The following NIPSNAP2 variants were observed in gnomAD, a reference collection of about 807,000 sequenced individuals.
NIPSNAP2 encodes nipsnap homolog 2.
Under a neutral mutation model 48.4 loss-of-function variants are expected in NIPSNAP2, and 42 were observed. The observed-to-expected ratio is 0.87, with a 90% CI of 0.68 to 1.12. NIPSNAP2 has a LOEUF of 1.12. NIPSNAP2 is among the 50% of genes most tolerant of loss of function. The pLI is 0.00. For synonymous variants in NIPSNAP2, 158 were observed against 126.6 expected (o/e 1.25, Z -1.67); for missense variants, 314 against 347.3 (o/e 0.90, Z 0.76).
At chr7:55,975,061 G>A (rs184226063) in intron 1 of NIPSNAP2, among the ~76,000 whole-genome samples, 7 of 151,506 alleles carry the variant, frequency 4.6e-5, no homozygotes, top group Admixed American at 3.3e-4. Context: ...GTCAGTTGGA[G>A]AGCAAAAGTA....
intron 7 of NIPSNAP2, among the ~76,000 whole-genome samples, chr7:55,986,275 G>T (rs1461525089): frequency 6.6e-6 from 1 of 152,084 alleles, no homozygotes; most frequent in East Asian, 1.9e-4. Flanking sequence ...GGCTGAGGTG[G>T]GAGGATCACC....
intron 5 of NIPSNAP2, 40 bp from the exon 6 acceptor site, chr7:55,983,688 G>A (rs1787266917): frequency 6.2e-7 from 1 of 1,605,402 alleles, no homozygotes; most frequent in African/African-American, 1.3e-5. Flanking sequence ...TTATATGTAA[G>A]TATCAGAAGA....
chr7:56,000,100 T>C lies in NIPSNAP2; in HGVS notation c.*1028T>C, dbSNP rs760029330. 2 of 152,650 alleles carry C rather than the reference T, an allele frequency of 1.3e-5. No homozygotes were observed. The highest frequency in any genetic ancestry group is 6.5e-5 in the Admixed American group (1 of 15,268). The allele number at this position is 152,650 out of a possible 1,614,324, so 9.5% of individuals were successfully genotyped here. On this transcript the variant is annotated 3_prime_UTR_variant, in exon 10 of 10. Coordinates refer to ENST00000322090, the MANE Select transcript of NIPSNAP2 (RefSeq NM_001483.3). ...ATGTGTAAAGTGTGAATAAATCTCA[T>C]ATCAAATGTCAAACTTTTACATGTG... is the stretch of plus-strand genomic sequence containing the variant.
chr7:55,989,728 C>A (rs552441070), intron 7 of NIPSNAP2, among the ~76,000 whole-genome samples: 4 of 152,258 alleles, frequency 2.6e-5, no homozygotes, highest in Non-Finnish European at 5.9e-5. Flanking sequence ...ACACTAGTGA[C>A]ATTTAGGGTT....
At chr7:55,988,880 A>G (rs1229192274) in intron 7 of NIPSNAP2, among the ~76,000 whole-genome samples, 1 of 152,104 alleles carries the variant, frequency 6.6e-6, no homozygotes, top group Non-Finnish European at 1.5e-5. Flanking sequence ...AAAGAAAAAA[A>G]AAATTACATA....
intron 1 of NIPSNAP2, among the ~76,000 whole-genome samples, chr7:55,971,820 C>T (rs943881909): frequency 5.3e-5 from 8 of 152,090 alleles, no homozygotes; most frequent in Non-Finnish European, 1.0e-4. Context: ...GAAGGATATA[C>T]ATAAAACTAT....
chr7:55,993,704 C>T (rs975502819), intron 7 of NIPSNAP2, among the ~76,000 whole-genome samples: 4 of 151,962 alleles, frequency 2.6e-5, no homozygotes, highest in African/African-American at 9.7e-5. Context: ...CACGCCGCTG[C>T]ACTCCAGCCT....
In NIPSNAP2 at chr7:55,970,472, C is replaced by A. The variant is rs183177430; in HGVS notation, c.92+5771C>A. Among the ~76,000 whole-genome samples, 36 of 152,026 alleles carry A rather than the reference C, an allele frequency of 2.4e-4. 1 individual carries two copies. In the East Asian group the frequency reaches 7.0e-3, roughly 29 times the overall value. Reference sequence around the variant, plus strand: ...TACAGGCGTCCACCACCACACCTGGCCATTTTTTTGGTATTTTTTAGTAGA... The same window carrying A: ...TACAGGCGTCCACCACCACACCTGGACATTTTTTTGGTATTTTTTAGTAGA... On this transcript the variant is annotated intron_variant, in intron 1 of 9. Coordinates refer to ENST00000322090, the MANE Select transcript of NIPSNAP2 (RefSeq NM_001483.3).
chr7:55,982,175 T>G (rs765942404), intron 4 of NIPSNAP2, 35 bp from the exon 5 acceptor site: 1 of 1,391,622 alleles, frequency 7.2e-7, no homozygotes, highest in Non-Finnish European at 1.0e-6. Flanking sequence ...ATCATGAAAT[T>G]CTAAACGTAT....
chr7:55,972,367 C>G (rs575244285), intron 1 of NIPSNAP2, among the ~76,000 whole-genome samples: 31 of 150,478 alleles, frequency 2.1e-4, no homozygotes, highest in African/African-American at 7.5e-4. Flanking sequence ...TTAAAACTTT[C>G]TACTTTGTGT....
At chr7:55,978,603 T>G (rs1787151257) in intron 3 of NIPSNAP2, 1 of 553,162 alleles carries the variant, frequency 1.8e-6, no homozygotes, top group African/African-American at 1.9e-5. Context: ...TCATATAGGC[T>G]ATCAGACTTT....
chr7:55,964,793 C>G, intron 1 of NIPSNAP2, 92 bp downstream of exon 1: 2 of 599,532 alleles, frequency 3.3e-6, no homozygotes, highest in Non-Finnish European at 4.4e-6. Flanking sequence ...CCGCCCCGGC[C>G]CTGTCCCCAG....
chr7:55,971,363 G>A (rs1056522934), intron 1 of NIPSNAP2, among the ~76,000 whole-genome samples: 2 of 152,166 alleles, frequency 1.3e-5, no homozygotes, highest in African/African-American at 2.4e-5. Context: ...TGTGTGCTGT[G>A]TTGATTTAGT....
chr7:55,978,442 A>G lies in NIPSNAP2; in HGVS notation c.278+47A>G, dbSNP rs561225775. 7 of 1,503,584 alleles carry G rather than the reference A, an allele frequency of 4.7e-6. No individual in the cohort carries two copies. The South Asian group carries it at 8.4e-5, about 18-fold the overall frequency. The allele number at this position is 1,503,584 out of a possible 1,614,324, so 93.1% of individuals were successfully genotyped here. A position where few individuals can be genotyped will look rare whatever the true frequency, so the allele number is the denominator to read the frequency against. On this transcript the variant is annotated intron_variant, in intron 3 of 9. Transcript: ENST00000322090. Reference sequence around the variant, plus strand: ...TTACTTGGGGAAAAATAATGACTTTATTTGTTAGTTAATTCCACTAACACT... The same window carrying G: ...TTACTTGGGGAAAAATAATGACTTTGTTTGTTAGTTAATTCCACTAACACT...
chr7:55,974,267 AG>A (rs35492377), intron 1 of NIPSNAP2, among the ~76,000 whole-genome samples: 27,572 of 141,532 alleles, frequency 0.19, 2,987 homozygotes, highest in East Asian at 0.35. Flanking sequence ...GCAAAAAAAA[AG>A]AAAGAAAGAA....
intron 7 of NIPSNAP2, among the ~76,000 whole-genome samples, chr7:55,987,767 A>G (rs576032295): frequency 9.8e-5 from 15 of 152,336 alleles, no homozygotes; most frequent in Middle Eastern, 3.4e-3. Context: ...AAAATCATAG[A>G]AACAGAAAGT....
chr7:55,966,246 A>G lies in NIPSNAP2; in HGVS notation c.92+1545A>G, dbSNP rs74667923. The stretch of plus-strand genomic sequence containing the variant: ...CAGGTAACATTTAGGAGTTGTCAGT[A>G]TATAGGAATGCTAAATGTTAATAGA... On this transcript the variant is annotated intron_variant, in intron 1 of 9. Coordinates refer to ENST00000322090, the MANE Select transcript of NIPSNAP2 (RefSeq NM_001483.3). 1.2e-3 allele frequency among the ~76,000 whole-genome samples: 185 copies of G among 152,304 alleles called. 6 individuals are homozygous for G. The East Asian group carries it at 0.032, about 26-fold the overall frequency.
At chr7:55,967,683 C>A (rs1423605358) in intron 1 of NIPSNAP2, among the ~76,000 whole-genome samples, 2 of 151,302 alleles carry the variant, frequency 1.3e-5, no homozygotes, top group East Asian at 1.9e-4. Flanking sequence ...GAGTGTCACT[C>A]TGTTGCCCAG....
At chr7:55,984,118 A>G (rs1787278613) in intron 6 of NIPSNAP2, among the ~76,000 whole-genome samples, 1 of 145,254 alleles carries the variant, frequency 6.9e-6, no homozygotes, top group Non-Finnish European at 1.6e-5. Context: ...TTAAGAAGAA[A>G]GACCTAAAGT....
Sources: allele counts gnomAD v4.1 joint callset (sites outside exome capture counted in the v4.1 genomes callset), GRCh38; gene constraint gnomAD v4.1.1; transcripts MANE v1.5; gene names NCBI Gene and HGNC (gene_info 2026-07-23, HGNC 2026-07-21).